Variants in C10orf90 observed in about 807,000 individuals in gnomAD.
C10orf90 encodes chromosome 10 open reading frame 90, also known as (E2-independent) E3 ubiquitin-conjugating enzyme FATS.
A neutral mutation model predicts 62.5 loss-of-function variants in C10orf90; 56 were observed. The observed-to-expected ratio is 0.90, with a 90% CI of 0.72 to 1.12. The LOEUF is 1.12. Among genes scored for constraint, C10orf90 ranks in the 50% most tolerant of loss-of-function variants. The pLI is 0.00. For missense variants in C10orf90, 970 were observed against 880.4 expected (o/e 1.10, Z -1.29); for synonymous variants, 386 against 340.4 (o/e 1.13, Z -1.47).
intron 2 of C10orf90, among the ~76,000 whole-genome samples, chr10:126,522,056 G>A (rs530477680): frequency 4.5e-4 from 69 of 152,182 alleles, no homozygotes; most frequent in African/African-American, 1.3e-3. Flanking sequence ...ATCCCCTAAG[G>A]TCAGAAGTTC....
intron 2 of C10orf90, among the ~76,000 whole-genome samples, chr10:126,580,601 C>T (rs1027631143): frequency 3.4e-5 from 5 of 148,282 alleles, no homozygotes; most frequent in Admixed American, 6.8e-5. Flanking sequence ...TGCAGTGAGC[C>T]GAGATTGTGC....
chr10:126,569,100 A>T (rs1844452610), intron 2 of C10orf90, among the ~76,000 whole-genome samples: 1 of 152,006 alleles, frequency 6.6e-6, no homozygotes, highest in Admixed American at 6.5e-5. Context: ...TCAAGAAGGG[A>T]GGGAGAAAGA....
intron 2 of C10orf90, among the ~76,000 whole-genome samples, chr10:126,572,364 A>G (rs889995300): frequency 1.3e-5 from 2 of 152,182 alleles, no homozygotes; most frequent in Admixed American, 6.5e-5. Flanking sequence ...GTGCAAAGTG[A>G]AAGCAAGTTT....
intron 1 of C10orf90, among the ~76,000 whole-genome samples, chr10:126,660,744 C>T (rs1276825188): frequency 6.6e-6 from 1 of 152,216 alleles, no homozygotes; most frequent in Non-Finnish European, 1.5e-5. Flanking sequence ...CAATAAAAAA[C>T]AAATACAGAT....
At position 126,571,310 on chromosome 10, in the gene C10orf90, G is replaced by T. The variant is rs183561566; in HGVS notation, c.314-57371C>A. 2.6e-5 allele frequency among the ~76,000 whole-genome samples: 4 copies of T among 152,266 alleles called. No individual in the cohort carries two copies. In the East Asian group the frequency reaches 7.8e-4, roughly 30 times the overall value. ...TCCCACAAACTTGTCCAGGCCAAAG[G>T]GCAGGTGAGACTCACCAGGGCAACG... is the stretch of plus-strand genomic sequence containing the variant. On this transcript the variant is annotated intron_variant, in intron 2 of 9. Transcript: ENST00000488181.
At position 126,572,909 on chromosome 10, in the gene C10orf90, C is replaced by T. The variant is rs191605782; in HGVS notation, c.314-58970G>A. On this transcript the variant is annotated intron_variant, in intron 2 of 9. Transcript: ENST00000488181. ...AAAAGGAGGCATGAGTAATCCACCC[C>T]TTGGTTTAGCATATCATCAAGAAAT... Among the ~76,000 whole-genome samples, 875 of 152,190 alleles carry T rather than the reference C, an allele frequency of 5.7e-3. 2 individuals are homozygous for T. The highest frequency in any genetic ancestry group is 9.4e-3 in the Non-Finnish European group (637 of 68,016).
intron 2 of C10orf90, 83 bp downstream of exon 2, chr10:126,646,482 T>A (rs1846173709): frequency 3.2e-6 from 1 of 309,354 alleles, no homozygotes; most frequent in African/African-American, 2.3e-5. Context: ...CATTCCATTA[T>A]TAATAAAAAT....
intron 2 of C10orf90, among the ~76,000 whole-genome samples, chr10:126,615,767 A>T (rs985406354): frequency 6.6e-6 from 1 of 152,152 alleles, no homozygotes; most frequent in Admixed American, 6.5e-5. Flanking sequence ...ACCATAAGAG[A>T]TGGGGAAAGG....
intron 4 of C10orf90, among the ~76,000 whole-genome samples, chr10:126,479,350 A>G (rs747226745): frequency 7.2e-5 from 11 of 152,204 alleles, no homozygotes; most frequent in Non-Finnish European, 1.5e-4. Flanking sequence ...CTAGGGTCAC[A>G]CTGGTATACA....
At chr10:126,626,962 G>A (rs560228476) in intron 2 of C10orf90, among the ~76,000 whole-genome samples, 6 of 152,052 alleles carry the variant, frequency 3.9e-5, no homozygotes, top group Admixed American at 2.6e-4. Context: ...TGAACAGACA[G>A]GAGCTGTGAT....
At chr10:126,500,977 G>T (rs1862346790) in intron 4 of C10orf90, among the ~76,000 whole-genome samples, 1 of 152,192 alleles carries the variant, frequency 6.6e-6, no homozygotes. Flanking sequence ...AGAAGATCCT[G>T]CTCATGAGGT....
intron 2 of C10orf90, among the ~76,000 whole-genome samples, chr10:126,539,917 G>C (rs191261423): frequency 6.6e-6 from 1 of 152,170 alleles, no homozygotes; most frequent in Non-Finnish European, 1.5e-5. Context: ...AAAGAGGCAC[G>C]AAGCTGGAAT....
chr10:126,612,360 G>A (rs924339451), intron 2 of C10orf90, among the ~76,000 whole-genome samples: 2 of 152,104 alleles, frequency 1.3e-5, no homozygotes, highest in African/African-American at 4.8e-5. Context: ...GTCACATGCA[G>A]CCAGTGGCTA....
At chr10:126,619,085 T>C (rs1301105698) in intron 2 of C10orf90, among the ~76,000 whole-genome samples, 1 of 152,204 alleles carries the variant, frequency 6.6e-6, no homozygotes, top group Non-Finnish European at 1.5e-5. Flanking sequence ...TTATCCATTA[T>C]CCTTATACTT....
chr10:126,492,995 A>C (rs1467670149), intron 4 of C10orf90, among the ~76,000 whole-genome samples: 2 of 152,220 alleles, frequency 1.3e-5, no homozygotes, highest in Admixed American at 6.5e-5. Context: ...TCTATTTAAT[A>C]AGGTTTTTAA....
chr10:126,581,010 G>A (rs115086417), intron 2 of C10orf90, among the ~76,000 whole-genome samples: 260 of 152,212 alleles, frequency 1.7e-3, no homozygotes, highest in African/African-American at 5.2e-3. Flanking sequence ...ACCTTTCCCA[G>A]GCAAAACTAC....
At chr10:126,569,473 T>C (rs1844461130) in intron 2 of C10orf90, among the ~76,000 whole-genome samples, 1 of 152,192 alleles carries the variant, frequency 6.6e-6, no homozygotes, top group Admixed American at 6.5e-5. Flanking sequence ...GACCTGCCTT[T>C]GAGGGTTCTA....
chr10:126,466,223 C>A (rs1261606620), intron 4 of C10orf90, among the ~76,000 whole-genome samples: 1 of 152,064 alleles, frequency 6.6e-6, no homozygotes, highest in Non-Finnish European at 1.5e-5. Context: ...CAGAAAAAAA[C>A]ACATTGGGAA....
chr10:126,448,911 A>G (rs1477927168), intron 7 of C10orf90, among the ~76,000 whole-genome samples: 2 of 152,202 alleles, frequency 1.3e-5, no homozygotes, highest in African/African-American at 4.8e-5. Flanking sequence ...TTTTTAAAAG[A>G]AAAGCTTGGG....
Sources: gnomAD v4.1 joint callset for allele counts (sites outside exome capture counted in the v4.1 genomes callset) on GRCh38, gnomAD v4.1.1 for gene constraint, MANE v1.5 for transcripts, NCBI Gene and HGNC (gene_info 2026-07-23, HGNC 2026-07-21) for gene names.